STEAP1B: variants seen among roughly 807,000 people sequenced by gnomAD.
The protein encoded by STEAP1B is STEAP family member 1B.
In STEAP1B, 13 loss-of-function variants were observed where a neutral mutation model predicts 27.9. That is an observed-to-expected ratio of 0.47 (90% CI 0.30 to 0.74). STEAP1B has a LOEUF of 0.74. Ranked by LOEUF, STEAP1B falls within the 30% of genes least tolerant of loss-of-function variation. The pLI is 0.06. For synonymous variants in STEAP1B, 86 were observed against 107.1 expected (o/e 0.80, Z 1.22); for missense variants, 250 against 298.7 (o/e 0.84, Z 1.20).
chr7:22,481,156 C>A (rs1436993707), intron 4 of STEAP1B, among the ~76,000 whole-genome samples: 1 of 152,176 alleles, frequency 6.6e-6, no homozygotes, highest in Admixed American at 6.5e-5. Flanking sequence ...GACCTTGAAT[C>A]CAGGTGATGT....
rs956346822 is a variant in STEAP1B at position 22,463,667 on chromosome 7, C to T, written c.762+28898G>A. Among the ~76,000 whole-genome samples, 24 of 152,188 alleles carry T rather than the reference C, an allele frequency of 1.6e-4. 1 individual carries two copies. Among genetic ancestry groups the T allele is most frequent in the Non-Finnish European group, 4.4e-5 (3 of 68,038 alleles). On this transcript the variant is annotated intron_variant, in intron 4 of 4. Coordinates refer to ENST00000678116, the MANE Select transcript of STEAP1B (RefSeq NM_001382447.1). ...AATAACGCCGCGTATCTACAACTAT[C>T]TGATCTTTGACAAACCTGAGAAAAA...
chr7:22,455,147 G>A (rs1785559204), intron 4 of STEAP1B, among the ~76,000 whole-genome samples: 1 of 152,114 alleles, frequency 6.6e-6, no homozygotes, highest in Non-Finnish European at 1.5e-5. Flanking sequence ...ACAGGCGTGA[G>A]CCACCGTGCC....
chr7:22,473,030 T>C (rs574623695), intron 4 of STEAP1B, among the ~76,000 whole-genome samples: 16 of 152,256 alleles, frequency 1.1e-4, no homozygotes, highest in Admixed American at 4.6e-4. Flanking sequence ...GATTGGGCCC[T>C]TCAGAAAGTT....
At chr7:22,479,206 G>C (rs1786023809) in intron 4 of STEAP1B, among the ~76,000 whole-genome samples, 1 of 152,114 alleles carries the variant, frequency 6.6e-6, no homozygotes, top group African/African-American at 2.4e-5. Flanking sequence ...TGCTGGGTGG[G>C]ACTGAATCAT....
chr7:22,432,327 C>T (rs1785197968), intron 4 of STEAP1B, among the ~76,000 whole-genome samples: 1 of 151,432 alleles, frequency 6.6e-6, no homozygotes, highest in Admixed American at 6.6e-5. Flanking sequence ...TCATTTGAGG[C>T]CATGAGTTTG....
intron 4 of STEAP1B, among the ~76,000 whole-genome samples, chr7:22,490,659 T>C (rs1296736552): frequency 2.6e-5 from 4 of 152,216 alleles, no homozygotes; most frequent in Non-Finnish European, 1.5e-5. Flanking sequence ...GCGTCTTACA[T>C]ATTTGGTAAG....
chr7:22,428,833 T>C (rs1487444255), intron 4 of STEAP1B, among the ~76,000 whole-genome samples: 1 of 151,998 alleles, frequency 6.6e-6, no homozygotes, highest in Non-Finnish European at 1.5e-5. Context: ...ATAAAATACA[T>C]ATGACTAAGG....
intron 4 of STEAP1B, among the ~76,000 whole-genome samples, chr7:22,421,652 C>A (rs1359646526): frequency 6.6e-6 from 1 of 152,210 alleles, no homozygotes; most frequent in Non-Finnish European, 1.5e-5. Context: ...CAATCCAACA[C>A]CCCTTTTGAA....
At chr7:22,456,972 A>ATATATATATATTTTTTTTTTTTTTTTTTT in intron 4 of STEAP1B, among the ~76,000 whole-genome samples, 3 of 57,080 alleles carry the variant, frequency 5.3e-5, no homozygotes, top group African/African-American at 1.4e-4. Context: ...ATATATATAT[A>ATATATATATATTTTTTTTTTTTTTTTTTT]TTTTTTTTTT....
chr7:22,444,486 A>T (rs886245526), intron 4 of STEAP1B, among the ~76,000 whole-genome samples: 10 of 152,346 alleles, frequency 6.6e-5, no homozygotes, highest in Admixed American at 1.3e-4. Context: ...AATTTTCTGA[A>T]ATTATACCCA....
chr7:22,477,978 G>A (rs374405155), intron 4 of STEAP1B, among the ~76,000 whole-genome samples: 9 of 152,088 alleles, frequency 5.9e-5, no homozygotes, highest in South Asian at 2.1e-4. Context: ...TTCCTACTCC[G>A]TGCCAAGGTG....
chr7:22,456,910 C>T (rs1785587953), intron 4 of STEAP1B, among the ~76,000 whole-genome samples: 1 of 139,640 alleles, frequency 7.2e-6, no homozygotes, highest in Non-Finnish European at 1.5e-5. Context: ...ACCCTGGCTG[C>T]ACCGCAGACC....
chr7:22,463,589 T>G (rs924924502), intron 4 of STEAP1B, among the ~76,000 whole-genome samples: 5 of 152,178 alleles, frequency 3.3e-5, no homozygotes, highest in Non-Finnish European at 7.3e-5. Context: ...AACAGCATGG[T>G]ACTGGTACCA....
chr7:22,446,336 C>G (rs1052657880), intron 4 of STEAP1B, among the ~76,000 whole-genome samples: 2 of 152,216 alleles, frequency 1.3e-5, no homozygotes, highest in Non-Finnish European at 2.9e-5. Context: ...CAGGACTGCG[C>G]TTTGCAAGAC....
At chr7:22,491,215 A>G (rs1583355075) in intron 4 of STEAP1B, among the ~76,000 whole-genome samples, 1 of 152,272 alleles carries the variant, frequency 6.6e-6, no homozygotes, top group East Asian at 1.9e-4. Context: ...TCTTTTTAAA[A>G]CTGAGTGCCA....
chr7:22,459,946 G>A (rs1785649962), intron 4 of STEAP1B, among the ~76,000 whole-genome samples: 1 of 152,132 alleles, frequency 6.6e-6, no homozygotes, highest in South Asian at 2.1e-4. Flanking sequence ...ATTTGGTTCA[G>A]GTTGGTGGCC....
At chr7:22,481,734 T>TA (rs1217147233) in intron 4 of STEAP1B, among the ~76,000 whole-genome samples, 3 of 152,218 alleles carry the variant, frequency 2.0e-5, no homozygotes, top group Admixed American at 1.3e-4. Context: ...TCAGTGCACT[T>TA]AGAGGGCTAT....
chr7:22,467,151 G>C (rs1583645383), intron 4 of STEAP1B, among the ~76,000 whole-genome samples: 1 of 152,206 alleles, frequency 6.6e-6, no homozygotes, highest in South Asian at 2.1e-4. Flanking sequence ...TCTTGGTTTA[G>C]ACTTGTCTCC....
intron 4 of STEAP1B, among the ~76,000 whole-genome samples, chr7:22,479,155 T>C (rs971400359): frequency 2.6e-5 from 4 of 152,222 alleles, no homozygotes; most frequent in Non-Finnish European, 5.9e-5. Flanking sequence ...TCCTACATTA[T>C]TACTATCATT....
Sources: gnomAD v4.1 joint callset for allele counts (sites outside exome capture counted in the v4.1 genomes callset) on GRCh38, gnomAD v4.1.1 for gene constraint, MANE v1.5 for transcripts, NCBI Gene and HGNC (gene_info 2026-07-23, HGNC 2026-07-21) for gene names.